Variants in FCGRT observed in about 807,000 individuals in gnomAD.
The protein encoded by FCGRT is IgG receptor FcRn large subunit p51.
In FCGRT, 13 loss-of-function variants were observed where a neutral mutation model predicts 35.7. The observed-to-expected ratio is 0.36, with a 90% CI of 0.24 to 0.58. FCGRT has a LOEUF of 0.58. Ranked by LOEUF, FCGRT falls within the 20% of genes least tolerant of loss-of-function variation. FCGRT has a pLI of 0.77. For synonymous variants in FCGRT, 233 were observed against 216.5 expected, an observed-to-expected ratio of 1.08 and a Z score of -0.67; for missense variants, 455 against 474.9, an observed-to-expected ratio of 0.96 and a Z score of 0.39.
intron 2 of FCGRT, 98 bp from the exon 3 acceptor site, chr19:49,513,784 T>C: frequency 1.3e-5 from 5 of 396,488 alleles, no homozygotes; most frequent in Non-Finnish European, 1.9e-5. Flanking sequence ...TCTGTCCCCC[T>C]CCCTCCATAA....
intron 4 of FCGRT, chr19:49,515,282 A>G (rs1260404555): frequency 6.6e-6 from 1 of 151,814 alleles, no homozygotes; most frequent in African/African-American, 2.4e-5. Flanking sequence ...GCATACCACC[A>G]TAACTGGCTA....
chr19:49,520,368 G>A (rs1044709828), intron 4 of FCGRT, among the ~76,000 whole-genome samples: 4 of 138,906 alleles, frequency 2.9e-5, no homozygotes, highest in African/African-American at 1.1e-4. Flanking sequence ...TTTTTGAGAT[G>A]GAGTTTCACT....
intron 4 of FCGRT, among the ~76,000 whole-genome samples, chr19:49,519,710 AC>A (rs1373663884): frequency 2.0e-5 from 3 of 152,034 alleles, no homozygotes; most frequent in Non-Finnish European, 4.4e-5. Flanking sequence ...TAGGCTGCAA[AC>A]ATCTGCTTGC....
At chr19:49,521,560 C>A (rs376293659) in intron 4 of FCGRT, 36 of 134,472 alleles carry the variant, frequency 2.7e-4, no homozygotes, top group African/African-American at 1.0e-3. Context: ...ACAGAGACTC[C>A]GTCTCAAAAA....
chr19:49,515,753 C>T (rs1487426324), intron 4 of FCGRT, among the ~76,000 whole-genome samples: 1 of 152,096 alleles, frequency 6.6e-6, no homozygotes, highest in Non-Finnish European at 1.5e-5. Flanking sequence ...CCTCATCAGA[C>T]CCACGCAGCA....
chr19:49,526,167 C>CAA lies in FCGRT; in HGVS notation c.*49_*50insAA. ...AAAGCGAATGTAGTCAGGCCCCTTT[C>CAA]ATGCTGTGAGACCTCCTGGAACACT... On this transcript the variant is annotated 3_prime_UTR_variant, in exon 7 of 7. Transcript: ENST00000221466. The CAA allele has an allele frequency of 7.9e-7, 1 of 1,271,488 alleles. No homozygotes were observed. Among genetic ancestry groups the CAA allele is most frequent in the South Asian group, 1.2e-5 (1 of 83,248 alleles). The allele number at this position is 1,271,488 out of a possible 1,614,324, so 78.8% of individuals were successfully genotyped here.
chr19:49,518,167 TA>T (rs973562617), intron 4 of FCGRT, among the ~76,000 whole-genome samples: 2 of 151,914 alleles, frequency 1.3e-5, no homozygotes, highest in Non-Finnish European at 2.9e-5. Flanking sequence ...TAAGGGCATT[TA>T]AAAAAAATTA....
chr19:49,513,363 GTCA>G (rs2122659007), intron 1 of FCGRT, 21 bp from the exon 2 acceptor site: 12 of 1,148,968 alleles, frequency 1.0e-5, no homozygotes, highest in Non-Finnish European at 1.2e-5. Context: ...GTCGGGAGGA[GTCA>G]CGTGCCCCCT....
At chr19:49,513,342 G>T in intron 1 of FCGRT, 45 bp from the exon 2 acceptor site, 2 of 973,868 alleles carry the variant, frequency 2.1e-6, no homozygotes, top group Non-Finnish European at 1.3e-6. Context: ...GGAGGAAGGG[G>T]CGGGCCGGGG....
At chr19:49,521,999 A>G (rs1295462506) in intron 4 of FCGRT, among the ~76,000 whole-genome samples, 1 of 151,630 alleles carries the variant, frequency 6.6e-6, no homozygotes, top group East Asian at 1.9e-4. Context: ...AAACCTTTGG[A>G]TGAACAAAAA....
At chr19:49,513,354 T>TGGGGGGG in intron 1 of FCGRT, 33 bp from the exon 2 acceptor site, 17 of 380,718 alleles carry the variant, frequency 4.5e-5, no homozygotes, top group East Asian at 1.9e-4. Flanking sequence ...GGGCCGGGGG[T>TGGGGGGG]CGGGAGGAGT....
chr19:49,518,041 G>C (rs1461330323), intron 4 of FCGRT, among the ~76,000 whole-genome samples: 1 of 152,078 alleles, frequency 6.6e-6, no homozygotes, highest in African/African-American at 2.4e-5. Context: ...GGCCAGGCTG[G>C]TCTCGAACCC....
intron 4 of FCGRT, among the ~76,000 whole-genome samples, chr19:49,514,778 C>T (rs1265588217): frequency 1.3e-5 from 2 of 151,206 alleles, no homozygotes; most frequent in African/African-American, 4.9e-5. Flanking sequence ...ACCACAACCT[C>T]CGCCTCCCGG....
chr19:49,515,568 A>G (rs1377752160), intron 4 of FCGRT, among the ~76,000 whole-genome samples: 6 of 152,028 alleles, frequency 3.9e-5, no homozygotes, highest in African/African-American at 1.4e-4. Context: ...GGAGTGAGCT[A>G]CCGCGTCTGG....
At chr19:49,515,506 C>T (rs2080002284) in intron 4 of FCGRT, among the ~76,000 whole-genome samples, 1 of 152,072 alleles carries the variant, frequency 6.6e-6, no homozygotes, top group Non-Finnish European at 1.5e-5. Flanking sequence ...GTCTCAAACT[C>T]TTGACCTCAA....
At chr19:49,513,849 G>T (rs1462589500) in intron 2 of FCGRT, 33 bp from the exon 3 acceptor site, 1 of 1,495,588 alleles carries the variant, frequency 6.7e-7, no homozygotes, top group African/African-American at 1.4e-5. Flanking sequence ...TTCCCCGCCC[G>T]TGTGCTCCCT....
chr19:49,522,770 C>CTTTTTTT (rs746958247), intron 4 of FCGRT, among the ~76,000 whole-genome samples: 9 of 66,666 alleles, frequency 1.4e-4, no homozygotes, highest in Middle Eastern at 0.02. Context: ...CTTAAGCTCT[C>CTTTTTTT]TTTTTTTTTT....
At chr19:49,520,638 G>T (rs2122686142) in intron 4 of FCGRT, 1 of 152,350 alleles carries the variant, frequency 6.6e-6, no homozygotes, top group East Asian at 1.9e-4. Flanking sequence ...GAGCCACCAT[G>T]CCTGACCTGG....
At position 49,513,446 on chromosome 19, in the gene FCGRT, T is replaced by C; in HGVS notation, c.46T>C (p.Phe16Leu). 8.0e-7 allele frequency: 1 copy of C among 1,242,496 alleles called. No individual in the cohort carries two copies. The highest frequency in any genetic ancestry group is 1.0e-6 in the Non-Finnish European group (1 of 986,568). 77.0% of individuals were successfully genotyped at this position (1,242,496 alleles called of 1,614,324 possible). ...PQPWALGLLL[F>L]LLPGSLGAES... ...GCCCTGGGCGCTGGGGCTCCTGCTC[T>C]TTCTCCTTCCTGGGAGCCTGGGCGC... The change falls in exon 2 of 7, where the codon TTT (phenylalanine) becomes CTT (leucine). Residue 16 changes from phenylalanine to leucine, a missense_variant. Physicochemically the swap from Phe to Leu is conservative, Grantham distance 22. Coordinates refer to ENST00000221466, the MANE Select transcript of FCGRT (RefSeq NM_001136019.3).
Sources: allele counts gnomAD v4.1 joint callset (sites outside exome capture counted in the v4.1 genomes callset), GRCh38; gene constraint gnomAD v4.1.1; transcripts MANE v1.5; gene names NCBI Gene and HGNC (gene_info 2026-07-23, HGNC 2026-07-21).